The following EIF2B3 variants were observed in gnomAD, a reference collection of about 807,000 sequenced individuals.
EIF2B3 encodes the protein translation initiation factor eIF2B subunit gamma.
EIF2B3 carries 20 observed loss-of-function variants against 54.1 expected under a neutral mutation model. The observed-to-expected ratio is 0.37, with a 90% confidence interval of 0.26 to 0.54. EIF2B3 has a LOEUF of 0.54. Among genes scored for constraint, EIF2B3 ranks in the 20% least tolerant of loss-of-function variants. The pLI is 0.86. For synonymous variants in EIF2B3, 153 were observed against 188.1 expected (o/e 0.81, Z 1.52); for missense variants, 448 against 547.8 (o/e 0.82, Z 1.82).
chr1:44,895,484 G>A (rs1192104733), intron 6 of EIF2B3, among the ~76,000 whole-genome samples: 1 of 151,326 alleles, frequency 6.6e-6, no homozygotes, highest in Non-Finnish European at 1.5e-5. Flanking sequence ...GTGTGATAAT[G>A]ATATTAAGGT....
In EIF2B3 at chr1:44,981,151, T is replaced by C. The variant is rs1644508869; in HGVS notation, c.18A>G (p.Val6=). Residue 6 remains valine (V), a synonymous_variant, in exon 2 of 12, where the codon GTA becomes GTG. Coordinates refer to ENST00000360403, the MANE Select transcript of EIF2B3 (RefSeq NM_020365.5). ...GAGATCCTCCACCTACTGCCATCAC[T>C]ACTGCTTGAAATTCCATTTTTACAA... MEFQA[V]VMAVGGGSRM... The C allele has an allele frequency of 6.2e-7, 1 of 1,612,620 alleles. No individual in the cohort carries two copies. The highest frequency in any genetic ancestry group is 1.3e-5 in the African/African-American group (1 of 74,510).
Position 44,986,578 on chromosome 1 carries a change from G to C in EIF2B3, c.-95C>G, listed in dbSNP as rs1025995792. On this transcript the variant is annotated 5_prime_UTR_variant, in exon 1 of 12. In the 5' UTR this introduces an upstream ATG that the reference lacks. Coordinates refer to ENST00000360403, the MANE Select transcript of EIF2B3 (RefSeq NM_020365.5). The stretch of plus-strand genomic sequence containing the variant: ...CCGGCACGCCGCAACCGCTCCCAGC[G>C]ATCTCCACGCCGCCTCTGACTGACA... 6.5e-6 allele frequency: 1 copy of C among 152,900 alleles called. No individual in the cohort carries two copies. Among genetic ancestry groups the C allele is most frequent in the Admixed American group, 6.5e-5 (1 of 15,278 alleles). The allele number at this position is 152,900 out of a possible 1,614,324, so 9.5% of individuals were successfully genotyped here.
In EIF2B3 at chr1:44,913,109, TAAAAA is replaced by T. The variant is rs552977811; in HGVS notation, c.566+13514_566+13518del. Among the ~76,000 whole-genome samples, 615 of 103,286 alleles carry T rather than the reference TAAAAA, an allele frequency of 6.0e-3. 5 individuals are homozygous for T. Among genetic ancestry groups the T allele is most frequent in the African/African-American group, 9.4e-3 (269 of 28,768 alleles). The allele number at this position is 103,286 out of a possible 152,430, so 67.8% of individuals were successfully genotyped here. A position where few individuals can be genotyped will look rare whatever the true frequency, so the allele number is the denominator to read the frequency against. ...GTGCAAAAGCAATTGCGGTTTTTGT[TAAAAA>T]AAAAAAAAAAAAAAAAAAAAGGCAA... On this transcript the variant is annotated intron_variant, in intron 5 of 11. Coordinates refer to ENST00000360403, the MANE Select transcript of EIF2B3 (RefSeq NM_020365.5).
chr1:44,858,745 G>A (rs1169541730), intron 10 of EIF2B3, among the ~76,000 whole-genome samples: 2 of 152,216 alleles, frequency 1.3e-5, no homozygotes, highest in East Asian at 3.9e-4. Flanking sequence ...GACTACAGGA[G>A]TGAGCCACCG....
At position 44,857,603 on chromosome 1, in the gene EIF2B3, G is replaced by A. The variant is rs1489685957; in HGVS notation, c.1306+101C>T. On this transcript the variant is annotated intron_variant, in intron 11 of 11. Transcript: ENST00000360403. ...TTATCAATTTATGTTCTCGCCCGCA[G>A]TGTACGTATGTGCTTGTTTCCCACA... The A allele has an allele frequency of 2.8e-6, 3 of 1,053,140 alleles. No homozygotes were observed. In the East Asian group the frequency reaches 7.1e-5, roughly 25 times the overall value. 65.2% of individuals were successfully genotyped at this position (1,053,140 alleles called of 1,614,324 possible). A position where few individuals can be genotyped will look rare whatever the true frequency, so the allele number is the denominator to read the frequency against.
intron 2 of EIF2B3, among the ~76,000 whole-genome samples, chr1:44,980,506 A>C (rs1333754057): frequency 6.6e-6 from 1 of 151,978 alleles, no homozygotes; most frequent in Admixed American, 6.6e-5. Flanking sequence ...CTTGTCTCCT[A>C]TTCCTTTTCC....
At chr1:44,876,780 G>A (rs937457904) in intron 8 of EIF2B3, among the ~76,000 whole-genome samples, 2 of 145,396 alleles carry the variant, frequency 1.4e-5, no homozygotes, top group African/African-American at 5.2e-5. Context: ...AAAAGATTGA[G>A]AAATCGGATG....
chr1:44,981,143 G>A lies in EIF2B3; in HGVS notation c.26C>T (p.Ala9Val), dbSNP rs1339247443. 6.2e-7 allele frequency: 1 copy of A among 1,612,362 alleles called. No individual in the cohort carries two copies. The change falls in exon 2 of 12, where the codon GCA becomes GTA. Residue 9 changes from alanine to valine, a missense_variant. Transcript: ENST00000360403. MEFQAVVM[A>V]VGGGSRMTDL... ...TGTCATCCGAGATCCTCCACCTACTGCCATCACTACTGCTTGAAATTCCAT... is the reference window on the plus strand; with the variant it reads ...TGTCATCCGAGATCCTCCACCTACTACCATCACTACTGCTTGAAATTCCAT...
At chr1:44,980,442 A>T (rs534552104) in intron 2 of EIF2B3, among the ~76,000 whole-genome samples, 47 of 151,918 alleles carry the variant, frequency 3.1e-4, no homozygotes, top group African/African-American at 1.1e-3. Context: ...GTGCCACTGC[A>T]CTCCAGCCTG....
rs1247221681 is a variant in EIF2B3, at chr1:44,881,178, C to G, written c.784+434G>C. On this transcript the variant is annotated intron_variant, in intron 7 of 11. Coordinates refer to ENST00000360403, the MANE Select transcript of EIF2B3 (RefSeq NM_020365.5). This position sits in a 1 kb window ranked among gnomAD's most constrained non-coding sequence, Gnocchi z 4.0. ...ACAAGACAGATCCGATCTTCAGATC[C>G]TGGCACGGAGACACCTGGGTTGGCC... Among the ~76,000 whole-genome samples the G allele has an allele frequency of 3.3e-5, 5 of 152,176 alleles. No homozygotes were observed.
chr1:44,934,067 A>T (rs1192275264), intron 4 of EIF2B3, among the ~76,000 whole-genome samples: 1 of 150,090 alleles, frequency 6.7e-6, no homozygotes, highest in Non-Finnish European at 1.5e-5. Flanking sequence ...GGTTGCGGTG[A>T]GCCAAGATCG....
chr1:44,923,855 G>A (rs1338887132), intron 5 of EIF2B3, among the ~76,000 whole-genome samples: 1 of 150,756 alleles, frequency 6.6e-6, no homozygotes, highest in Non-Finnish European at 1.5e-5. Flanking sequence ...CCAGCCTGGA[G>A]TGCAGTAGTA....
intron 5 of EIF2B3, among the ~76,000 whole-genome samples, chr1:44,923,068 T>C (rs1462720961): frequency 2.0e-5 from 3 of 152,152 alleles, no homozygotes; most frequent in Non-Finnish European, 4.4e-5. Context: ...TTTTCATATA[T>C]TGACTTTGTA....
chr1:44,857,810 G>A lies in EIF2B3; in HGVS notation c.1203-3C>T. ...TGACACTGCCTTGGATATTGCTTCT[G>A]TAACACAGTAGCCAAGTTAGGGAGG... is the stretch of plus-strand genomic sequence containing the variant. On this transcript the variant is annotated splice_polypyrimidine_tract_variant and splice_region_variant and intron_variant, in intron 10 of 11. Transcript: ENST00000360403. The A allele has an allele frequency of 6.2e-7, 1 of 1,613,854 alleles. No homozygotes were observed. The highest frequency in any genetic ancestry group is 1.1e-5 in the South Asian group (1 of 91,086).
At chr1:44,852,712 G>A (rs1447066218) in intron 11 of EIF2B3, among the ~76,000 whole-genome samples, 1 of 151,410 alleles carries the variant, frequency 6.6e-6, no homozygotes, top group Non-Finnish European at 1.5e-5. Flanking sequence ...CCAAGAGGTG[G>A]AGGTTGCAGT....
intron 5 of EIF2B3, among the ~76,000 whole-genome samples, chr1:44,906,549 C>T (rs550527309): frequency 2.6e-5 from 4 of 152,228 alleles, no homozygotes; most frequent in East Asian, 1.9e-4. Flanking sequence ...TACAGGCATG[C>T]GCCACCATAC....
intron 3 of EIF2B3, among the ~76,000 whole-genome samples, chr1:44,943,019 C>A (rs1221755179): frequency 1.3e-5 from 2 of 151,848 alleles, no homozygotes; most frequent in Non-Finnish European, 2.9e-5. Context: ...CCACGCCCGG[C>A]TAATTTTTTT....
At chr1:44,986,305 A>G (rs1190711762) in intron 1 of EIF2B3, among the ~76,000 whole-genome samples, 188 bp downstream of exon 1, 1 of 152,106 alleles carries the variant, frequency 6.6e-6, no homozygotes, top group South Asian at 2.1e-4. Context: ...CATCTGTTGC[A>G]TAAGGTGGTT....
At chr1:44,851,695 A>G (rs1316414841) in intron 11 of EIF2B3, among the ~76,000 whole-genome samples, 1 of 152,212 alleles carries the variant, frequency 6.6e-6, no homozygotes, top group Non-Finnish European at 1.5e-5. Context: ...GGATAAGGGT[A>G]AGAAATGAGG....
Sources: allele counts gnomAD v4.1 joint callset (sites outside exome capture counted in the v4.1 genomes callset), GRCh38; gene constraint gnomAD v4.1.1; non-coding constraint Gnocchi (gnomAD v3.1); transcripts MANE v1.5; gene names NCBI Gene and HGNC (gene_info 2026-07-23, HGNC 2026-07-21).